The following MROH2B variants were observed in gnomAD, a reference collection of about 807,000 sequenced individuals.
The protein encoded by MROH2B is maestro heat like repeat family member 2B.
In MROH2B, 177 loss-of-function variants were observed where a neutral mutation model predicts 208.6. The ratio of observed to expected loss-of-function variants is 0.85; its 90% CI spans 0.75 to 0.96. MROH2B has a LOEUF of 0.96. Ranked by LOEUF, MROH2B falls within the 40% of genes least tolerant of loss-of-function variation. MROH2B has a pLI of 0.00. For synonymous variants in MROH2B, 728 were observed against 659.0 expected (o/e 1.10, Z -1.60); for missense variants, 2,002 against 1,878.7 (o/e 1.07, Z -1.21).
At chr5:41,039,324 T>C in intron 20 of MROH2B, 124 bp downstream of exon 20, 1 of 627,176 alleles carries the variant, frequency 1.6e-6, no homozygotes, top group South Asian at 2.2e-5. Context: ...GCTTGGACAG[T>C]TCTGACCTGG....
At position 41,000,099 on chromosome 5, in the gene MROH2B, C is replaced by T. The variant is rs1741339009; in HGVS notation, c.4482+121G>A. ...ATCCTGTGAAATCAGGATATCACTG[C>T]CATCCTTCCAAGGCAGTTCTGGCTC... On this transcript the variant is annotated intron_variant, in intron 39 of 41. Transcript: ENST00000399564. The T allele has an allele frequency of 1.1e-5, 15 of 1,314,868 alleles. No homozygotes were observed. In the South Asian group the frequency reaches 2.0e-4, roughly 17 times the overall value. 81.5% of individuals were successfully genotyped at this position (1,314,868 alleles called of 1,614,324 possible).
chr5:41,010,454 G>A (rs184504680), intron 30 of MROH2B, among the ~76,000 whole-genome samples: 1 of 152,176 alleles, frequency 6.6e-6, no homozygotes, highest in African/African-American at 2.4e-5. Flanking sequence ...TACATGAGGT[G>A]CATACAACCG....
At chr5:41,037,874 T>A (rs1742813823) in intron 21 of MROH2B, among the ~76,000 whole-genome samples, 1 of 152,200 alleles carries the variant, frequency 6.6e-6, no homozygotes, top group Admixed American at 6.5e-5. Context: ...TCTTGTGTGA[T>A]TCTTAGGTGG....
At chr5:41,023,271 C>A (rs13189194) in intron 24 of MROH2B, among the ~76,000 whole-genome samples, 91,467 of 151,738 alleles carry the variant, frequency 0.6, 28,040 homozygotes, top group Non-Finnish European at 0.66. Flanking sequence ...TCGAACCCAT[C>A]GCAAGGAAGC....
At chr5:41,041,292 T>C (rs762192021) in intron 19 of MROH2B, among the ~76,000 whole-genome samples, 2 of 152,104 alleles carry the variant, frequency 1.3e-5, no homozygotes, top group Non-Finnish European at 2.9e-5. Context: ...CTTTATCAGC[T>C]TGGGAACTAT....
Position 41,067,116 on chromosome 5 carries a change from C to T in MROH2B, c.193G>A (p.Asp65Asn). 1 of 1,546,792 alleles carries T rather than the reference C, an allele frequency of 6.5e-7. No homozygotes were observed. The highest frequency in any genetic ancestry group is 8.8e-7 in the Non-Finnish European group (1 of 1,142,136). Residue 65 changes from aspartate (D) to asparagine (N), a missense_variant, in exon 3 of 42, where the codon GAC (aspartate) becomes AAC (asparagine). Coordinates refer to ENST00000399564, the MANE Select transcript of MROH2B (RefSeq NM_173489.5). ...LIYYASKDMR[D>N]NNMLREIRML... ...TCATGAACCAAACTTACATTGTTGTCTCTCATATCCTTAGAAGCATAATAA... is the reference window on the plus strand; with the variant it reads ...TCATGAACCAAACTTACATTGTTGTTTCTCATATCCTTAGAAGCATAATAA...
At position 41,025,106 on chromosome 5, in the gene MROH2B, A is replaced by T. The variant is rs560921893; in HGVS notation, c.2442-6088T>A. Among the ~76,000 whole-genome samples the T allele has an allele frequency of 6.3e-4, 96 of 152,326 alleles. 1 individual carries two copies. The South Asian group carries it at 0.019, about 31-fold the overall frequency. On this transcript the variant is annotated intron_variant, in intron 24 of 41. Transcript: ENST00000399564. ...CAGGAAAATCTAAAATTGACACCCT[A>T]ACATCACAATTAAAAGAACTAGAGA...
chr5:41,051,260 G>T (rs113564508), intron 12 of MROH2B, among the ~76,000 whole-genome samples, 170 bp from the exon 13 acceptor site: 1 of 152,070 alleles, frequency 6.6e-6, no homozygotes, highest in African/African-American at 2.4e-5. Flanking sequence ...TGTTTGAAAG[G>T]GCCCCTTGGA....
chr5:41,003,101 C>T (rs1483780767), intron 37 of MROH2B, among the ~76,000 whole-genome samples: 4 of 151,816 alleles, frequency 2.6e-5, no homozygotes, highest in Non-Finnish European at 4.4e-5. Context: ...GCTGGGACTA[C>T]AGGCGCGCAC....
In MROH2B at chr5:41,057,710, C is replaced by T. The variant is rs554097470; in HGVS notation, c.757-350G>A. Among the ~76,000 whole-genome samples, 9 of 151,690 alleles carry T rather than the reference C, an allele frequency of 5.9e-5. No homozygotes were observed. In the South Asian group the frequency reaches 1.7e-3, roughly 28 times the overall value. On this transcript the variant is annotated intron_variant, in intron 7 of 41. Transcript: ENST00000399564. ...TAGCTGGGGCTATGGGCATGCGCCACCATGCCCGGCTAATTTTTGCATTTT... is the reference window on the plus strand; with the variant it reads ...TAGCTGGGGCTATGGGCATGCGCCATCATGCCCGGCTAATTTTTGCATTTT...
At chr5:41,067,924 C>G (rs563386202) in intron 2 of MROH2B, among the ~76,000 whole-genome samples, 7 of 152,276 alleles carry the variant, frequency 4.6e-5, no homozygotes, top group African/African-American at 1.7e-4. Context: ...CACTGTAACT[C>G]CCCAAGAGGC....
chr5:41,000,212 A>G lies in MROH2B; in HGVS notation c.4482+8T>C, dbSNP rs116707092. The G allele has an allele frequency of 0.035, 55,710 of 1,613,428 alleles. 1,131 individuals carry two copies. The highest frequency in any genetic ancestry group is 0.063 in the Middle Eastern group (382 of 6,048). Reference sequence around the variant, plus strand: ...CTTTTTTGGAGGCGGCATCTATTGGACACTCACCAGTTTCACACAGAATTG... The same window carrying G: ...CTTTTTTGGAGGCGGCATCTATTGGGCACTCACCAGTTTCACACAGAATTG... On this transcript the variant is annotated splice_region_variant and intron_variant, in intron 39 of 41. Transcript: ENST00000399564.
rs1259054843 is a variant in MROH2B, at chr5:41,045,857, T to C, written c.1729-4A>G. ...TCCATAAGGATTCTTTGAGCAACTG[T>C]TGTAGGAAGTGGAAGTTAGATGTGA... On this transcript the variant is annotated splice_polypyrimidine_tract_variant and splice_region_variant and intron_variant, in intron 17 of 41. Transcript: ENST00000399564. 7 of 1,605,292 alleles carry C rather than the reference T, an allele frequency of 4.4e-6. No individual in the cohort carries two copies. The highest frequency in any genetic ancestry group is 6.0e-6 in the Non-Finnish European group (7 of 1,173,804).
intron 19 of MROH2B, 84 bp from the exon 20 acceptor site, chr5:41,039,639 G>A: frequency 6.5e-6 from 6 of 916,726 alleles, no homozygotes; most frequent in Non-Finnish European, 9.9e-6. Context: ...TATGTGCCAG[G>A]TATCCTTTAG....
At chr5:41,016,489 T>C (rs977161109) in intron 28 of MROH2B, among the ~76,000 whole-genome samples, 4 of 144,430 alleles carry the variant, frequency 2.8e-5, no homozygotes, top group South Asian at 2.2e-4. Flanking sequence ...TTTCTGTTAC[T>C]ACTGTAATGT....
intron 24 of MROH2B, among the ~76,000 whole-genome samples, chr5:41,026,540 C>T (rs1320939873): frequency 5.3e-5 from 8 of 152,064 alleles, no homozygotes; most frequent in Non-Finnish European, 1.0e-4. Context: ...TAAAAGAGGA[C>T]ACAAACAAAT....
chr5:41,059,759 A>G (rs1356685115), intron 6 of MROH2B, among the ~76,000 whole-genome samples: 2 of 152,074 alleles, frequency 1.3e-5, no homozygotes, highest in Non-Finnish European at 2.9e-5. Context: ...ATTCTCCATC[A>G]TGAGTTCTTC....
At chr5:41,004,314 G>T in intron 37 of MROH2B, 32 bp downstream of exon 37, 1 of 1,602,922 alleles carries the variant, frequency 6.2e-7, no homozygotes, top group Non-Finnish European at 8.5e-7. Flanking sequence ...ACTCACTTCT[G>T]GGGAGGGAAG....
At chr5:41,031,763 G>C (rs1270635582) in intron 24 of MROH2B, among the ~76,000 whole-genome samples, 3 of 152,026 alleles carry the variant, frequency 2.0e-5, no homozygotes, top group Admixed American at 2.0e-4. Flanking sequence ...CTAGGCCCCA[G>C]TGTCTATTGT....
Sources: allele counts gnomAD v4.1 joint callset (sites outside exome capture counted in the v4.1 genomes callset), GRCh38; gene constraint gnomAD v4.1.1; transcripts MANE v1.5; gene names NCBI Gene and HGNC (gene_info 2026-07-23, HGNC 2026-07-21).